The following KIAA1328 variants were observed in gnomAD, a reference collection of about 807,000 sequenced individuals.
KIAA1328 encodes the protein protein hinderin.
In KIAA1328, 52 loss-of-function variants were observed where a neutral mutation model predicts 68.1. That is an observed-to-expected ratio of 0.76 (90% CI 0.61 to 0.96). KIAA1328 has a LOEUF of 0.96. Ranked by LOEUF, KIAA1328 falls within the 40% of genes least tolerant of loss-of-function variation. The pLI, the probability that KIAA1328 is intolerant of heterozygous loss-of-function variation, is 0.00. For synonymous variants in KIAA1328, 232 were observed against 239.4 expected, an observed-to-expected ratio of 0.97 and a Z score of 0.28; for missense variants, 641 against 677.6, an observed-to-expected ratio of 0.95 and a Z score of 0.60.
At chr18:37,113,348 A>T (rs2057997125) in intron 7 of KIAA1328, among the ~76,000 whole-genome samples, 2 of 152,204 alleles carry the variant, frequency 1.3e-5, no homozygotes, top group Non-Finnish European at 2.9e-5. Flanking sequence ...AGTGGGGGCC[A>T]ATATTCAACA....
At chr18:37,066,063 G>T (rs1387078322) in intron 6 of KIAA1328, among the ~76,000 whole-genome samples, 1 of 152,184 alleles carries the variant, frequency 6.6e-6, no homozygotes, top group African/African-American at 2.4e-5. Context: ...CTCTGGGGAT[G>T]AAGCTATAGT....
chr18:36,957,539 G>A (rs1196501737), intron 5 of KIAA1328, among the ~76,000 whole-genome samples: 1 of 152,042 alleles, frequency 6.6e-6, no homozygotes, highest in Non-Finnish European at 1.5e-5. Flanking sequence ...TGTGAGAGAG[G>A]GTACCCCAGG....
chr18:36,935,603 T>G (rs1242209409), intron 5 of KIAA1328, among the ~76,000 whole-genome samples: 1 of 152,188 alleles, frequency 6.6e-6, no homozygotes. Context: ...ATTGTTGTTT[T>G]TATGGGGGTG....
intron 6 of KIAA1328, among the ~76,000 whole-genome samples, chr18:37,053,053 GA>G (rs1419884726): frequency 1.3e-5 from 2 of 152,068 alleles, no homozygotes; most frequent in Non-Finnish European, 2.9e-5. Context: ...TAAGCAAAAA[GA>G]ACAAAGCTGG....
chr18:37,124,789 C>A (rs2058353455), intron 7 of KIAA1328, among the ~76,000 whole-genome samples: 1 of 152,100 alleles, frequency 6.6e-6, no homozygotes, highest in South Asian at 2.1e-4. Context: ...TCATTCCAGT[C>A]CCCTCGTGCT....
Position 36,834,343 on chromosome 18 carries a change from G to T in KIAA1328, c.82G>T (p.Val28Leu). 6.3e-7 allele frequency: 1 copy of T among 1,583,220 alleles called. No individual in the cohort carries two copies. ...RDFSDEEQSV[V>L]YVPGISAEGN... The stretch of plus-strand genomic sequence containing the variant: ...AGTTTCTGATGAAGAACAATCAGTA[G>T]TATACGTTCCAGGTATGATTTTCTA... Residue 28 changes from valine (V) to leucine (L), a missense_variant, in exon 2 of 10, where the codon GTA becomes TTA. Physicochemically the swap from Val to Leu is conservative, Grantham distance 32 (BLOSUM62 1). Coordinates refer to ENST00000280020, the MANE Select transcript of KIAA1328 (RefSeq NM_020776.3).
At chr18:36,966,224 A>G (rs973438620) in intron 6 of KIAA1328, among the ~76,000 whole-genome samples, 1 of 152,220 alleles carries the variant, frequency 6.6e-6, no homozygotes, top group Non-Finnish European at 1.5e-5. Context: ...AAGAAAGACT[A>G]AGAGTACTAG....
In KIAA1328 at chr18:37,215,186, GT is replaced by G. The variant is rs2060403290; in HGVS notation, c.1524-6829del. Among the ~76,000 whole-genome samples the G allele has an allele frequency of 2.0e-5, 3 of 152,170 alleles. No homozygotes were observed. The South Asian group carries it at 6.2e-4, about 32-fold the overall frequency. On this transcript the variant is annotated intron_variant, in intron 9 of 9. Coordinates refer to ENST00000280020, the MANE Select transcript of KIAA1328 (RefSeq NM_020776.3). ...CCCTGGCCAGAACTTCCAACACTAT[GT>G]TGAATAGGAGTGGTGAGAGAGGGCA...
rs145895427 is a variant in KIAA1328 at position 37,206,891 on chromosome 18, C to G, written c.1524-15126C>G. ...ATATTGCTTAAAGGTTTTTTCAAAC[C>G]TTTGAAAATAATAAAGTACAGATTC... is the stretch of plus-strand genomic sequence containing the variant. On this transcript the variant is annotated intron_variant, in intron 9 of 9. Coordinates refer to ENST00000280020, the MANE Select transcript of KIAA1328 (RefSeq NM_020776.3). 1.1e-4 allele frequency among the ~76,000 whole-genome samples: 16 copies of G among 152,102 alleles called. No individual in the cohort carries two copies. In the East Asian group the frequency reaches 3.1e-3, roughly 29 times the overall value.
chr18:37,121,626 G>C (rs1171527164), intron 7 of KIAA1328, among the ~76,000 whole-genome samples: 2 of 152,042 alleles, frequency 1.3e-5, no homozygotes, highest in South Asian at 4.1e-4. Context: ...TTAGCTGTAG[G>C]TGAATTACTT....
chr18:37,126,061 T>C (rs1020112781), intron 7 of KIAA1328, among the ~76,000 whole-genome samples: 2 of 152,240 alleles, frequency 1.3e-5, no homozygotes, highest in Non-Finnish European at 2.9e-5. Flanking sequence ...CAGATTGTCT[T>C]CATAAGTGGC....
intron 6 of KIAA1328, among the ~76,000 whole-genome samples, chr18:37,027,601 A>T (rs1043225413): frequency 3.9e-5 from 6 of 152,234 alleles, no homozygotes; most frequent in African/African-American, 1.2e-4. Flanking sequence ...AAACCTGACA[A>T]AAACAAGAAA....
At chr18:37,024,057 A>G (rs1218247987) in intron 6 of KIAA1328, among the ~76,000 whole-genome samples, 1 of 152,058 alleles carries the variant, frequency 6.6e-6, no homozygotes, top group African/African-American at 2.4e-5. Context: ...GTGCAGTTGC[A>G]TGAACACGGC....
At chr18:36,904,176 A>C (rs971161010) in intron 5 of KIAA1328, among the ~76,000 whole-genome samples, 1 of 152,086 alleles carries the variant, frequency 6.6e-6, no homozygotes, top group African/African-American at 2.4e-5. Flanking sequence ...TATTACCGTT[A>C]TTATCATAGC....
At chr18:37,206,343 C>T (rs973910706) in intron 9 of KIAA1328, among the ~76,000 whole-genome samples, 1 of 152,016 alleles carries the variant, frequency 6.6e-6, no homozygotes, top group Admixed American at 6.6e-5. Context: ...AAAGAGTAGC[C>T]CTATGGTAGT....
In KIAA1328 at chr18:37,032,879, G is replaced by A. The variant is rs367960044; in HGVS notation, c.577-34011G>A. On this transcript the variant is annotated intron_variant, in intron 6 of 9. Transcript: ENST00000280020. ...TGGTCTGGAACTCCTGACCTCAGGC[G>A]ATCCACCCACCTCGGCCTCCCAAAG... is the stretch of plus-strand genomic sequence containing the variant. 9.9e-5 allele frequency among the ~76,000 whole-genome samples: 15 copies of A among 152,198 alleles called. No individual in the cohort carries two copies. In the East Asian group the frequency reaches 1.5e-3, roughly 16 times the overall value.
chr18:37,045,469 C>G (rs1390750603), intron 6 of KIAA1328, among the ~76,000 whole-genome samples: 1 of 145,744 alleles, frequency 6.9e-6, no homozygotes, highest in Non-Finnish European at 1.5e-5. Context: ...CATTCCATTT[C>G]TTTTTTTTTT....
intron 5 of KIAA1328, among the ~76,000 whole-genome samples, chr18:36,916,688 A>T (rs1418631907): frequency 6.6e-6 from 1 of 152,220 alleles, no homozygotes; most frequent in African/African-American, 2.4e-5. Context: ...CATCGTACAG[A>T]TAAGTAAGGA....
chr18:36,858,946 T>C (rs990071107), intron 4 of KIAA1328, among the ~76,000 whole-genome samples: 1 of 152,192 alleles, frequency 6.6e-6, no homozygotes, highest in Admixed American at 6.5e-5. Context: ...ATAGATTTAA[T>C]TTTTTATATG....
Sources: allele counts gnomAD v4.1 joint callset (sites outside exome capture counted in the v4.1 genomes callset), GRCh38; gene constraint gnomAD v4.1.1; transcripts MANE v1.5; gene names NCBI Gene and HGNC (gene_info 2026-07-23, HGNC 2026-07-21).